Variants in EMC2 observed in about 807,000 individuals in gnomAD.
The protein encoded by EMC2 is ER membrane protein complex subunit 2, also known as TPR repeat protein 35.
Under a neutral mutation model 51.6 loss-of-function variants are expected in EMC2, and 37 were observed. That is an observed-to-expected ratio of 0.72 (90% CI 0.55 to 0.94). EMC2 has a LOEUF of 0.94. EMC2 is among the 40% of genes least tolerant of loss of function. The probability of loss-of-function intolerance (pLI) is 0.00; values close to 1 mark genes in which losing one functional copy is unlikely to be tolerated. For missense variants in EMC2, 359 were observed against 350.9 expected (o/e 1.02, Z -0.18); for synonymous variants, 131 against 112.4 (o/e 1.17, Z -1.04).
intron 5 of EMC2, among the ~76,000 whole-genome samples, chr8:108,457,296 G>A (rs912525819): frequency 6.6e-6 from 1 of 151,598 alleles, no homozygotes; most frequent in South Asian, 2.1e-4. Flanking sequence ...TTGAGTGGGT[G>A]TGTGGGGGTT....
chr8:108,486,149 A>G (rs961243213), intron 10 of EMC2, among the ~76,000 whole-genome samples: 5 of 151,952 alleles, frequency 3.3e-5, no homozygotes, highest in Non-Finnish European at 7.4e-5. Flanking sequence ...AGTGGTTCAC[A>G]CTGCTACACT....
At chr8:108,467,032 C>G (rs1810736411) in intron 5 of EMC2, among the ~76,000 whole-genome samples, 1 of 152,024 alleles carries the variant, frequency 6.6e-6, no homozygotes, top group South Asian at 2.1e-4. Flanking sequence ...CAATGTAAGT[C>G]TGGGCTTTGT....
intron 7 of EMC2, chr8:108,474,032 C>T (rs1017591321): frequency 1.3e-5 from 2 of 152,036 alleles, no homozygotes; most frequent in Admixed American, 1.3e-4. Context: ...CTGTTGAGCT[C>T]CTTCTAGCTC....
intron 5 of EMC2, among the ~76,000 whole-genome samples, chr8:108,462,629 G>T (rs1819356578): frequency 6.6e-6 from 1 of 152,088 alleles, no homozygotes; most frequent in Admixed American, 6.6e-5. Context: ...CCCATATCCT[G>T]CCACGTGGTA....
rs1811163189 is a variant in EMC2 at position 108,487,447 on chromosome 8, CT to C, written c.*851del. 6.6e-6 allele frequency among the ~76,000 whole-genome samples: 1 copy of C among 151,806 alleles called. No homozygotes were observed. The highest frequency in any genetic ancestry group is 2.4e-5 in the African/African-American group (1 of 41,466). On this transcript the variant is annotated 3_prime_UTR_variant, in exon 11 of 11. Coordinates refer to ENST00000220853, the MANE Select transcript of EMC2 (RefSeq NM_014673.5). The stretch of plus-strand genomic sequence containing the variant: ...TAAAATTTTCCTATTCTATCATTAC[CT>C]TAGTTAGAATTTTTTATTTTTCTCT...
rs146334751 is a variant in EMC2, at chr8:108,458,832, T to C, written c.363+2902T>C. ...ACTTATGCAAATTTCTGCAGCTGGC[T>C]TGAATTTCTTCTCAGAAAATGGGGT... On this transcript the variant is annotated intron_variant, in intron 5 of 10. Coordinates refer to ENST00000220853, the MANE Select transcript of EMC2 (RefSeq NM_014673.5). Among the ~76,000 whole-genome samples, 1,206 of 152,348 alleles carry C rather than the reference T, an allele frequency of 7.9e-3. 15 individuals carry two copies. Among genetic ancestry groups the C allele is most frequent in the African/African-American group, 0.028 (1,153 of 41,578 alleles).
chr8:108,463,218 G>T (rs2130371813), intron 5 of EMC2, among the ~76,000 whole-genome samples: 1 of 152,306 alleles, frequency 6.6e-6, no homozygotes, highest in South Asian at 2.1e-4. Flanking sequence ...TAGTTTTAGA[G>T]ATAATGTGTC....
intron 1 of EMC2, among the ~76,000 whole-genome samples, chr8:108,444,081 C>T (rs996566552): frequency 6.6e-6 from 1 of 152,234 alleles, no homozygotes; most frequent in Admixed American, 6.5e-5. Flanking sequence ...AACACAGGGC[C>T]TGTAAGGCCC....
rs769290288 is a variant in EMC2, at chr8:108,443,625, C to T, written c.-34C>T. On this transcript the variant is annotated 5_prime_UTR_variant, in exon 1 of 11. Coordinates refer to ENST00000220853, the MANE Select transcript of EMC2 (RefSeq NM_014673.5). The stretch of plus-strand genomic sequence containing the variant: ...CGGGTCACGTGACTGCGTCTCCCCG[C>T]CCTCTCACCCCGCTGCCTCTAGGTT... 3.4e-5 allele frequency: 55 copies of T among 1,595,064 alleles called. No individual in the cohort carries two copies. The highest frequency in any genetic ancestry group is 4.6e-5 in the Non-Finnish European group (54 of 1,169,962).
At chr8:108,471,735 A>T (rs182955453) in intron 7 of EMC2, among the ~76,000 whole-genome samples, 1 of 151,976 alleles carries the variant, frequency 6.6e-6, no homozygotes, top group Non-Finnish European at 1.5e-5. Context: ...AGGTTGTTTT[A>T]TATTTTTATA....
chr8:108,449,020 C>T (rs1473402932), intron 1 of EMC2, among the ~76,000 whole-genome samples: 3 of 152,176 alleles, frequency 2.0e-5, no homozygotes, highest in South Asian at 2.1e-4. Context: ...TTCTTATACA[C>T]TCATTTCCTG....
chr8:108,461,591 G>C (rs1819319473), intron 5 of EMC2, among the ~76,000 whole-genome samples: 1 of 152,156 alleles, frequency 6.6e-6, no homozygotes, highest in Non-Finnish European at 1.5e-5. Context: ...CATTATTAAA[G>C]TACAAGGCCT....
chr8:108,469,898 G>T lies in EMC2; in HGVS notation c.436G>T (p.Glu146Ter). Reference protein sequence around the residue: ...KNVEAIRELNEYLEQFVGDQE... With the variant: ...KNVEAIRELN ...TGTGGAGGCCATTCGGGAGCTGAAT[G>T]AGTATCTGGAACAGTGAGTATTTTA... Residue 146 changes from glutamate to a stop codon, truncating the protein, a stop_gained, in exon 6 of 11, where the codon GAG (glutamate) becomes TAG (stop). Transcript: ENST00000220853. LOFTEE classifies it high-confidence loss of function. 1.2e-6 allele frequency: 2 copies of T among 1,611,810 alleles called. No homozygotes were observed. The highest frequency in any genetic ancestry group is 2.2e-5 in the South Asian group (2 of 90,954).
intron 5 of EMC2, among the ~76,000 whole-genome samples, chr8:108,456,579 A>G (rs557729401): frequency 6.6e-6 from 1 of 152,290 alleles, no homozygotes; most frequent in Admixed American, 6.5e-5. Context: ...TTTCTGCCTT[A>G]TACATGAATA....
chr8:108,459,728 G>GTT (rs1819264536), intron 5 of EMC2, among the ~76,000 whole-genome samples: 1 of 151,298 alleles, frequency 6.6e-6, no homozygotes, highest in African/African-American at 2.4e-5. Flanking sequence ...GAGAGTGTGT[G>GTT]TGTGTGTGTG....
At chr8:108,472,855 G>C (rs933250551) in intron 7 of EMC2, among the ~76,000 whole-genome samples, 1 of 151,914 alleles carries the variant, frequency 6.6e-6, no homozygotes, top group Non-Finnish European at 1.5e-5. Context: ...ATAGGTCGCA[G>C]GCAGCTTTGG....
In EMC2 at chr8:108,487,866, A is replaced by C. The variant is rs1811171187; in HGVS notation, c.*1268A>C. Among the ~76,000 whole-genome samples the C allele has an allele frequency of 6.6e-6, 1 of 152,198 alleles. No individual in the cohort carries two copies. Among genetic ancestry groups the C allele is most frequent in the Non-Finnish European group, 1.5e-5 (1 of 68,036 alleles). On this transcript the variant is annotated 3_prime_UTR_variant, in exon 11 of 11. Transcript: ENST00000220853. ...TTCGTTTTATTCTGCCACGAGTAAT[A>C]GGCAGCTGATTAATATATTCTGTGA...
chr8:108,482,200 T>C (rs947857666), intron 10 of EMC2, among the ~76,000 whole-genome samples: 3 of 152,204 alleles, frequency 2.0e-5, no homozygotes, highest in Non-Finnish European at 2.9e-5. Context: ...CTGGTACATG[T>C]GTAGAGTGGT....
Position 108,486,756 on chromosome 8 carries a change from C to A in EMC2, c.*158C>A. ...ATGTGTTTATATAAACCTAAAAATG[C>A]CTTTTACTGCTAAGTGGGGAGATGG... On this transcript the variant is annotated 3_prime_UTR_variant, in exon 11 of 11. Coordinates refer to ENST00000220853, the MANE Select transcript of EMC2 (RefSeq NM_014673.5). 1 of 657,436 alleles carries A rather than the reference C, an allele frequency of 1.5e-6. No individual in the cohort carries two copies. 40.7% of individuals were successfully genotyped at this position (657,436 alleles called of 1,614,324 possible).
Sources: gnomAD v4.1 joint callset for allele counts (sites outside exome capture counted in the v4.1 genomes callset) on GRCh38, gnomAD v4.1.1 for gene constraint, MANE v1.5 for transcripts, NCBI Gene and HGNC (gene_info 2026-07-23, HGNC 2026-07-21) for gene names.